RNF152: variants seen among roughly 807,000 people sequenced by gnomAD.
The protein encoded by RNF152 is E3 ubiquitin-protein ligase RNF152.
RNF152 carries 11 observed loss-of-function variants against 12.7 expected under a neutral mutation model. The observed-to-expected ratio is 0.86, with a 90% confidence interval of 0.54 to 1.43. The LOEUF is 1.43. Ranked by LOEUF, RNF152 falls within the 40% of genes most tolerant of loss-of-function variation. The pLI is 0.00. For synonymous variants in RNF152, 113 were observed against 120.3 expected (o/e 0.94, Z 0.40); for missense variants, 255 against 274.8 (o/e 0.93, Z 0.51).
At chr18:61,832,160 C>T (rs907020351) in intron 1 of RNF152, among the ~76,000 whole-genome samples, 5 of 151,778 alleles carry the variant, frequency 3.3e-5, no homozygotes, top group Admixed American at 2.6e-4. Context: ...ACATATTAAT[C>T]GATAATAATC....
At position 61,856,104 on chromosome 18, in the gene RNF152, C is replaced by A. The variant is rs951116147; in HGVS notation, c.-136+36691G>T. Among the ~76,000 whole-genome samples, 4 of 152,174 alleles carry A rather than the reference C, an allele frequency of 2.6e-5. No homozygotes were observed. In the East Asian group the frequency reaches 7.7e-4, roughly 29 times the overall value. Reference sequence around the variant, plus strand: ...AAGGGGAGAGGGCTGGATGAGATGACCTTCCAAGTTCTTTTCCAATTCTGA... The same window carrying A: ...AAGGGGAGAGGGCTGGATGAGATGAACTTCCAAGTTCTTTTCCAATTCTGA... On this transcript the variant is annotated intron_variant, in intron 1 of 1. Coordinates refer to ENST00000312828, the MANE Select transcript of RNF152 (RefSeq NM_173557.3).
chr18:61,852,003 G>A (rs1006995254), intron 1 of RNF152, among the ~76,000 whole-genome samples: 16 of 152,076 alleles, frequency 1.1e-4, no homozygotes, highest in Admixed American at 1.0e-3. Flanking sequence ...TGAGGCAAAT[G>A]ACGTCACCTA....
intron 1 of RNF152, among the ~76,000 whole-genome samples, chr18:61,830,133 T>C (rs1909871500): frequency 6.6e-6 from 1 of 151,890 alleles, no homozygotes; most frequent in Admixed American, 6.6e-5. Context: ...GGGATTCTCC[T>C]GCCTCAGACT....
chr18:61,828,333 C>A (rs930843885), intron 1 of RNF152, among the ~76,000 whole-genome samples: 2 of 152,192 alleles, frequency 1.3e-5, no homozygotes, highest in Non-Finnish European at 2.9e-5. Flanking sequence ...CTCATTGCAT[C>A]CTTGAACTCC....
At chr18:61,877,167 C>T (rs577898540) in intron 1 of RNF152, among the ~76,000 whole-genome samples, 1 of 152,338 alleles carries the variant, frequency 6.6e-6, no homozygotes, top group South Asian at 2.1e-4. Flanking sequence ...CTGTTGTCAT[C>T]CACATGGGCA....
chr18:61,863,921 C>T (rs754202082), intron 1 of RNF152, among the ~76,000 whole-genome samples: 17 of 152,198 alleles, frequency 1.1e-4, no homozygotes, highest in Non-Finnish European at 2.2e-4. Flanking sequence ...GGTGAGCTCC[C>T]GCTCTAATCG....
intron 1 of RNF152, among the ~76,000 whole-genome samples, chr18:61,825,637 C>G (rs1049937706): frequency 6.6e-6 from 1 of 152,134 alleles, no homozygotes; most frequent in African/African-American, 2.4e-5. Context: ...ATGCAGTCAT[C>G]ACTGGAGGTG....
intron 1 of RNF152, among the ~76,000 whole-genome samples, chr18:61,831,502 T>A (rs1343709787): frequency 1.3e-5 from 2 of 152,100 alleles, no homozygotes; most frequent in Non-Finnish European, 2.9e-5. Context: ...TCCCTTATTA[T>A]CTCCATAATA....
intron 1 of RNF152, among the ~76,000 whole-genome samples, chr18:61,879,430 T>G (rs1011511502): frequency 2.0e-5 from 3 of 152,192 alleles, no homozygotes; most frequent in African/African-American, 7.2e-5. Flanking sequence ...TCTTGGTTTC[T>G]AAGGGGGTTC....
In RNF152 at chr18:61,813,996, C is replaced by A. The variant is rs765130582; in HGVS notation, c.*1856G>T. On this transcript the variant is annotated 3_prime_UTR_variant, in exon 2 of 2. Coordinates refer to ENST00000312828, the MANE Select transcript of RNF152 (RefSeq NM_173557.3). Reference sequence around the variant, plus strand: ...TTGTTGTATAATGCCCAAGAGCTTACACAATAAAATGGCATTTTAACCTAA... The same window carrying A: ...TTGTTGTATAATGCCCAAGAGCTTAAACAATAAAATGGCATTTTAACCTAA... 6.6e-6 allele frequency: 1 copy of A among 152,164 alleles called. No homozygotes were observed. The highest frequency in any genetic ancestry group is 1.5e-5 in the Non-Finnish European group (1 of 68,020). The allele number at this position is 152,164 out of a possible 1,614,324, so 9.4% of individuals were successfully genotyped here. A position where few individuals can be genotyped will look rare whatever the true frequency, so the allele number is the denominator to read the frequency against.
In RNF152 at chr18:61,820,180, T is replaced by A. The variant is rs184022051; in HGVS notation, c.-135-3582A>T. ...CCGTCTCTACTAAAAATACAAAAAA[T>A]TAGCCAGGCATGGTGGCGGACGCCT... is the stretch of plus-strand genomic sequence containing the variant. On this transcript the variant is annotated intron_variant, in intron 1 of 1. Transcript: ENST00000312828. Among the ~76,000 whole-genome samples, 439 of 148,882 alleles carry A rather than the reference T, an allele frequency of 2.9e-3. 1 individual carries two copies. Among genetic ancestry groups the A allele is most frequent in the African/African-American group, 0.01 (413 of 40,394 alleles).
intron 1 of RNF152, among the ~76,000 whole-genome samples, chr18:61,817,323 G>A (rs1433736054): frequency 6.6e-6 from 1 of 152,222 alleles, no homozygotes; most frequent in Non-Finnish European, 1.5e-5. Context: ...ACATTTTCCA[G>A]TCAGTTCTTT....
chr18:61,877,407 TAATG>T (rs1432192701), intron 1 of RNF152, among the ~76,000 whole-genome samples: 1 of 152,194 alleles, frequency 6.6e-6, no homozygotes, highest in African/African-American at 2.4e-5. Context: ...ATTTATTTAT[TAATG>T]GTGTGGGAAA....
chr18:61,857,831 G>C (rs1163659461), intron 1 of RNF152, among the ~76,000 whole-genome samples: 1 of 152,096 alleles, frequency 6.6e-6, no homozygotes, highest in Non-Finnish European at 1.5e-5. Context: ...ATTTGTCATT[G>C]GCGTGTATAA....
intron 1 of RNF152, among the ~76,000 whole-genome samples, chr18:61,822,716 G>A (rs556847228): frequency 1.3e-5 from 2 of 152,162 alleles, no homozygotes; most frequent in South Asian, 4.1e-4. Flanking sequence ...GTTGTGGCCT[G>A]AGCTGATATT....
At chr18:61,829,945 G>A (rs1415634723) in intron 1 of RNF152, among the ~76,000 whole-genome samples, 5 of 151,852 alleles carry the variant, frequency 3.3e-5, no homozygotes, top group African/African-American at 9.7e-5. Flanking sequence ...TACTATTTTA[G>A]CCATTTGAAA....
intron 1 of RNF152, among the ~76,000 whole-genome samples, chr18:61,862,189 AC>A (rs1183518642): frequency 5.3e-5 from 8 of 151,472 alleles, no homozygotes; most frequent in Admixed American, 4.6e-4. Flanking sequence ...CTCCATCCTG[AC>A]CCCCCTATCT....
At chr18:61,845,928 C>A (rs9963954) in intron 1 of RNF152, among the ~76,000 whole-genome samples, 1 of 145,112 alleles carries the variant, frequency 6.9e-6, no homozygotes, top group Admixed American at 7.0e-5. Context: ...TGTGGGGGGG[C>A]GTGGTGATGA....
intron 1 of RNF152, among the ~76,000 whole-genome samples, chr18:61,856,591 A>G (rs1911235109): frequency 6.6e-6 from 1 of 152,160 alleles, no homozygotes; most frequent in African/African-American, 2.4e-5. Context: ...CTGGGAGTTG[A>G]TAACTGGAGT....
Sources: gnomAD v4.1 joint callset for allele counts (sites outside exome capture counted in the v4.1 genomes callset) on GRCh38, gnomAD v4.1.1 for gene constraint, MANE v1.5 for transcripts, NCBI Gene and HGNC (gene_info 2026-07-23, HGNC 2026-07-21) for gene names.